WDPCP: variants seen among roughly 807,000 people sequenced by gnomAD.
WDPCP encodes WD repeat-containing and planar cell polarity effector protein fritz homolog.
Under a neutral mutation model 93.1 loss-of-function variants are expected in WDPCP, and 71 were observed. The observed-to-expected ratio is 0.76, with a 90% CI of 0.63 to 0.93. WDPCP has a LOEUF of 0.93. Ranked by LOEUF, WDPCP falls within the 40% of genes least tolerant of loss-of-function variation. The probability of loss-of-function intolerance (pLI) is 0.00; values close to 1 mark genes in which losing one functional copy is unlikely to be tolerated. For synonymous variants in WDPCP, 315 were observed against 315.0 expected (o/e 1.00, Z 0.00); for missense variants, 844 against 887.4 (o/e 0.95, Z 0.62).
intron 2 of WDPCP, among the ~76,000 whole-genome samples, chr2:63,745,115 AT>A (rs1426844889): frequency 3.1e-4 from 47 of 151,768 alleles, no homozygotes; most frequent in Middle Eastern, 3.4e-3. Flanking sequence ...CAAGGTATAT[AT>A]TTATGTTATT....
chr2:63,557,261 G>A (rs1218067875), intron 1 of WDPCP, among the ~76,000 whole-genome samples: 5 of 152,066 alleles, frequency 3.3e-5, no homozygotes, highest in East Asian at 3.8e-4. Context: ...GTATTCAAGC[G>A]ACCCATCTCA....
chr2:63,519,026 A>C (rs1702743481), intron 1 of WDPCP: 1 of 150,830 alleles, frequency 6.6e-6, no homozygotes, highest in Non-Finnish European at 1.5e-5. Flanking sequence ...CACCCACTGT[A>C]CCACCACTGT....
intron 8 of WDPCP, among the ~76,000 whole-genome samples, chr2:63,435,979 G>T (rs796524676): frequency 6.6e-6 from 1 of 151,980 alleles, no homozygotes; most frequent in South Asian, 2.1e-4. Flanking sequence ...CATAAGAAAA[G>T]ATGACATCTT....
At chr2:63,575,463 A>ATACACTGTATATACAGCG (rs1248571874) in intron 1 of WDPCP, among the ~76,000 whole-genome samples, 2,111 of 29,146 alleles carry the variant, frequency 0.072, 576 homozygotes, top group African/African-American at 0.25. Flanking sequence ...TATACAGTAT[A>ATACACTGTATATACAGCG]TATGCAGTAT....
intron 2 of WDPCP, among the ~76,000 whole-genome samples, chr2:63,766,834 T>C (rs1034040341): frequency 2.6e-5 from 4 of 152,142 alleles, no homozygotes; most frequent in African/African-American, 4.8e-5. Context: ...ATCACCACCA[T>C]ATAACTCCAT....
chr2:63,427,748 T>G (rs766063466), intron 9 of WDPCP, among the ~76,000 whole-genome samples: 22 of 151,892 alleles, frequency 1.4e-4, no homozygotes, highest in Non-Finnish European at 2.6e-4. Flanking sequence ...AGAACAAAAT[T>G]GAAACACAAA....
At chr2:63,716,126 T>A (rs1413378128) in intron 2 of WDPCP, among the ~76,000 whole-genome samples, 1 of 152,222 alleles carries the variant, frequency 6.6e-6, no homozygotes, top group African/African-American at 2.4e-5. Context: ...AGTAAGCGTT[T>A]CTCTGAGAAG....
At chr2:63,445,660 T>C (rs1418134338) in intron 6 of WDPCP, among the ~76,000 whole-genome samples, 1 of 151,452 alleles carries the variant, frequency 6.6e-6, no homozygotes, top group African/African-American at 2.4e-5. Flanking sequence ...GCTCAGAAAA[T>C]AAAAAAGAGC....
chr2:63,210,218 A>T (rs952878436), intron 14 of WDPCP, among the ~76,000 whole-genome samples: 5 of 152,100 alleles, frequency 3.3e-5, no homozygotes, highest in African/African-American at 1.2e-4. Flanking sequence ...AGTTAACATT[A>T]TTTGCCTCTG....
At chr2:63,747,946 T>A (rs921127169) in intron 2 of WDPCP, among the ~76,000 whole-genome samples, 6 of 152,068 alleles carry the variant, frequency 3.9e-5, no homozygotes, top group Non-Finnish European at 8.8e-5. Flanking sequence ...GATTAATACA[T>A]AGGTATTTTC....
intron 1 of WDPCP, among the ~76,000 whole-genome samples, chr2:63,565,432 C>A (rs1453028606): frequency 1.3e-5 from 2 of 152,012 alleles, no homozygotes; most frequent in Non-Finnish European, 2.9e-5. Flanking sequence ...TTTAAATAAC[C>A]TTAGAAAATT....
At chr2:63,633,145 TGAGA>T (rs1709882338) in intron 3 of WDPCP, among the ~76,000 whole-genome samples, 1 of 152,160 alleles carries the variant, frequency 6.6e-6, no homozygotes, top group African/African-American at 2.4e-5. Flanking sequence ...CAGCAATGAA[TGAGA>T]GAGAAAGACA....
intron 1 of WDPCP, among the ~76,000 whole-genome samples, chr2:63,545,576 T>C (rs1705094768): frequency 1.3e-5 from 2 of 152,062 alleles, no homozygotes; most frequent in African/African-American, 4.8e-5. Context: ...TACCCGAACA[T>C]TTTATTTTTC....
intron 2 of WDPCP, among the ~76,000 whole-genome samples, chr2:63,652,177 T>C (rs1215390829): frequency 6.6e-6 from 1 of 152,202 alleles, no homozygotes; most frequent in Non-Finnish European, 1.5e-5. Flanking sequence ...TGTGAAGCTC[T>C]AGCAAGAACA....
At chr2:63,405,201 A>G (rs549789816) in intron 9 of WDPCP, among the ~76,000 whole-genome samples, 6 of 152,196 alleles carry the variant, frequency 3.9e-5, no homozygotes, top group Non-Finnish European at 8.8e-5. Context: ...GACAAAGGAA[A>G]AAACTTTAGA....
intron 13 of WDPCP, among the ~76,000 whole-genome samples, chr2:63,295,601 A>G (rs1462330342): frequency 6.6e-6 from 1 of 152,044 alleles, no homozygotes; most frequent in African/African-American, 2.4e-5. Flanking sequence ...GCAACTGATA[A>G]GAAATATAAA....
chr2:63,298,631 G>A (rs919791031), intron 13 of WDPCP, among the ~76,000 whole-genome samples: 6 of 152,172 alleles, frequency 3.9e-5, no homozygotes, highest in East Asian at 1.9e-4. Flanking sequence ...AGGGGCTCTC[G>A]GGCCTTCAGC....
chr2:63,335,500 TCCAGCCTCAG>T (rs1688292938), intron 12 of WDPCP, among the ~76,000 whole-genome samples: 1 of 151,186 alleles, frequency 6.6e-6, no homozygotes, highest in Non-Finnish European at 1.5e-5. Flanking sequence ...CTCAGATCAG[TCCAGCCTCAG>T]CCTCCCAGGT....
At chr2:63,148,589 C>T (rs1355141195) in intron 17 of WDPCP, among the ~76,000 whole-genome samples, 1 of 151,552 alleles carries the variant, frequency 6.6e-6, no homozygotes, top group Non-Finnish European at 1.5e-5. Context: ...TCTGGCCTCA[C>T]GTGATCCACC....
Sources: gnomAD v4.1 joint callset for allele counts (sites outside exome capture counted in the v4.1 genomes callset) on GRCh38, gnomAD v4.1.1 for gene constraint, MANE v1.5 for transcripts, NCBI Gene and HGNC (gene_info 2026-07-23, HGNC 2026-07-21) for gene names.